The following PHLDB2 variants were observed in gnomAD, a reference collection of about 807,000 sequenced individuals.
The protein encoded by PHLDB2 is pleckstrin homology-like domain family B member 2.
Under a neutral mutation model 123.6 loss-of-function variants are expected in PHLDB2, and 71 were observed. The observed-to-expected ratio is 0.57, with a 90% CI of 0.47 to 0.70. PHLDB2 has a LOEUF of 0.70. PHLDB2 is among the 30% of genes least tolerant of loss of function. The probability of loss-of-function intolerance (pLI) is 0.00; values close to 1 mark genes in which losing one functional copy is unlikely to be tolerated. For missense variants in PHLDB2, 1,446 were observed against 1,519.5 expected (o/e 0.95, Z 0.80); for synonymous variants, 547 against 541.6 (o/e 1.01, Z -0.14).
rs759440531 is a variant in PHLDB2, at chr3:111,949,056, G to A, written c.2612G>A (p.Ser871Asn). Residue 871 changes from serine to asparagine, a missense_variant, in exon 10 of 18, where the codon AGC becomes AAC. Transcript: ENST00000431670. Reference sequence around the variant, plus strand: ...GAGCCTGCCACAGCTGTGCTGGCGAGCCAGCCACAGAGTAAAGAGGTGTGT... The same window carrying A: ...GAGCCTGCCACAGCTGTGCTGGCGAACCAGCCACAGAGTAAAGAGGTGTGT... ...ATEPATAVLASQPQSKEHFRS... is the reference protein window; with the variant it reads ...ATEPATAVLANQPQSKEHFRS... 3.7e-6 allele frequency: 6 copies of A among 1,613,662 alleles called. No individual in the cohort carries two copies. In the South Asian group the frequency reaches 6.6e-5, roughly 18 times the overall value.
At chr3:111,952,174 T>C (rs1276499376) in intron 10 of PHLDB2, among the ~76,000 whole-genome samples, 1 of 152,200 alleles carries the variant, frequency 6.6e-6, no homozygotes, top group Non-Finnish European at 1.5e-5. Flanking sequence ...TTTTCCCCCT[T>C]TCTTGTCCTC....
chr3:111,807,558 A>C (rs1039871049), intron 1 of PHLDB2, among the ~76,000 whole-genome samples: 3 of 152,196 alleles, frequency 2.0e-5, no homozygotes, highest in South Asian at 4.1e-4. Flanking sequence ...CATCTCTACA[A>C]AAAAATAAAA....
chr3:111,878,273 T>C (rs974610859), intron 1 of PHLDB2, among the ~76,000 whole-genome samples: 1 of 152,236 alleles, frequency 6.6e-6, no homozygotes, highest in African/African-American at 2.4e-5. Flanking sequence ...TTCACATCCC[T>C]TGTAAGTTGG....
At chr3:111,869,326 C>T (rs747030419) in intron 1 of PHLDB2, among the ~76,000 whole-genome samples, 4 of 152,040 alleles carry the variant, frequency 2.6e-5, no homozygotes, top group Non-Finnish European at 5.9e-5. Flanking sequence ...TCATTATCCC[C>T]CATCACTCTC....
At chr3:111,736,392 A>G (rs1205460202) in intron 1 of PHLDB2, among the ~76,000 whole-genome samples, 1 of 152,164 alleles carries the variant, frequency 6.6e-6, no homozygotes, top group Non-Finnish European at 1.5e-5. Context: ...CAGTATGTCA[A>G]TAGTTGTATT....
chr3:111,957,952 A>T (rs1221322425), intron 12 of PHLDB2: 1 of 151,958 alleles, frequency 6.6e-6, no homozygotes, highest in Non-Finnish European at 1.5e-5. Context: ...TATTCTTCCT[A>T]TTTTCTGGTT....
At chr3:111,864,531 G>GATA (rs1553742462) in intron 1 of PHLDB2, among the ~76,000 whole-genome samples, 1 of 152,170 alleles carries the variant, frequency 6.6e-6, no homozygotes, top group African/African-American at 2.4e-5. Context: ...CAGAAAAGGA[G>GATA]CTTTGTGCTG....
chr3:111,834,316 T>TATATACATA (rs1491445224), intron 1 of PHLDB2, among the ~76,000 whole-genome samples: 37 of 138,908 alleles, frequency 2.7e-4, no homozygotes, highest in African/African-American at 8.9e-4. Context: ...ATAATTCTAT[T>TATATACATA]ATATATATAA....
intron 2 of PHLDB2, among the ~76,000 whole-genome samples, chr3:111,897,801 G>C (rs1249730513): frequency 6.6e-6 from 1 of 152,176 alleles, no homozygotes; most frequent in Non-Finnish European, 1.5e-5. Context: ...TTTACAAGTT[G>C]TCTTGGGAGA....
At chr3:111,822,251 G>GAA (rs11411697) in intron 1 of PHLDB2, among the ~76,000 whole-genome samples, 6,056 of 146,926 alleles carry the variant, frequency 0.041, 414 homozygotes, top group African/African-American at 0.14. Flanking sequence ...CTTTGCATCA[G>GAA]AAAAAAAAAA....
Position 111,969,749 on chromosome 3 carries a change from T to C in PHLDB2, c.3375T>C (p.His1125=). ...AGGAAGACTTTGATTTGCGGAGCCA[T>C]GTAGAGACTGCTGGCCACAATATTG... ...VRKEDFDLRS[H]VETAGHNIDT... Residue 1125 remains histidine (H), a synonymous_variant, in exon 16 of 18, where the codon CAT becomes CAC. Coordinates refer to ENST00000431670, the MANE Select transcript of PHLDB2 (RefSeq NM_001134438.2). 1 of 1,614,078 alleles carries C rather than the reference T, an allele frequency of 6.2e-7. No homozygotes were observed. Among genetic ancestry groups the C allele is most frequent in the Non-Finnish European group, 8.5e-7 (1 of 1,179,938 alleles).
chr3:111,902,341 C>T (rs1282940), intron 2 of PHLDB2, among the ~76,000 whole-genome samples: 3,464 of 152,138 alleles, frequency 0.023, 132 homozygotes, highest in African/African-American at 0.078. Context: ...CCTGTAAATG[C>T]CAGCACTTTG....
chr3:111,967,812 A>G lies in PHLDB2; in HGVS notation c.3303A>G (p.Arg1101=). 1 of 1,609,728 alleles carries G rather than the reference A, an allele frequency of 6.2e-7. No homozygotes were observed. Among genetic ancestry groups the G allele is most frequent in the Non-Finnish European group, 8.5e-7 (1 of 1,178,634 alleles). The stretch of plus-strand genomic sequence containing the variant: ...AAAAGGAAGTAAAAATAAGGGAGAG[A>G]CAAAGGGCACAGGTTGGTCGGTCAA... The part of the protein sequence containing the change: ...LIEKEVKIRE[R]QRAQARPLTR... The change falls in exon 15 of 18, where the codon AGA becomes AGG. Residue 1101 remains arginine (R), a synonymous_variant. Transcript: ENST00000431670.
intron 3 of PHLDB2, chr3:111,916,811 T>C (rs900130784): frequency 1.3e-5 from 2 of 152,186 alleles, no homozygotes; most frequent in East Asian, 3.8e-4. Flanking sequence ...AAGTGTCTTT[T>C]CCCCTATCAT....
At chr3:111,944,553 GAT>G (rs1026289582) in intron 8 of PHLDB2, among the ~76,000 whole-genome samples, 2 of 151,972 alleles carry the variant, frequency 1.3e-5, no homozygotes, top group Non-Finnish European at 2.9e-5. Context: ...ACTGGGTTGT[GAT>G]ATTACATCAT....
At chr3:111,891,731 A>G (rs891681119) in intron 2 of PHLDB2, among the ~76,000 whole-genome samples, 1 of 152,112 alleles carries the variant, frequency 6.6e-6, no homozygotes. Context: ...AGAGGTTAGA[A>G]AAGTCATTAT....
chr3:111,863,589 T>C (rs2064936167), intron 1 of PHLDB2, among the ~76,000 whole-genome samples: 1 of 152,314 alleles, frequency 6.6e-6, no homozygotes, highest in Non-Finnish European at 1.5e-5. Flanking sequence ...AAAGGAACCT[T>C]AGAAATCCTC....
At chr3:111,952,374 G>C (rs1487875129) in intron 10 of PHLDB2, among the ~76,000 whole-genome samples, 198 bp from the exon 11 acceptor site, 1 of 152,190 alleles carries the variant, frequency 6.6e-6, no homozygotes, top group Non-Finnish European at 1.5e-5. Context: ...TCTAGGTTCA[G>C]CATAAATTCC....
intron 12 of PHLDB2, among the ~76,000 whole-genome samples, chr3:111,954,964 C>T (rs1304834023): frequency 6.6e-6 from 1 of 151,974 alleles, no homozygotes; most frequent in Non-Finnish European, 1.5e-5. Flanking sequence ...GGCTGGAATT[C>T]GATTCTAGCT....
Sources: allele counts gnomAD v4.1 joint callset (sites outside exome capture counted in the v4.1 genomes callset), GRCh38; gene constraint gnomAD v4.1.1; transcripts MANE v1.5; gene names NCBI Gene and HGNC (gene_info 2026-07-23, HGNC 2026-07-21).